SCAPER: variants seen among roughly 807,000 people sequenced by gnomAD.
SCAPER encodes S-phase cyclin A associated protein in the ER, also known as S phase cyclin A-associated protein in the endoplasmic reticulum.
Under a neutral mutation model 182.2 loss-of-function variants are expected in SCAPER, and 98 were observed. That is an observed-to-expected ratio of 0.54 (90% CI 0.46 to 0.64). The LOEUF (loss-of-function observed/expected upper bound fraction) is 0.64, where lower values mean the gene tolerates loss of function less well. Among genes scored for constraint, SCAPER ranks in the 30% least tolerant of loss-of-function variants. SCAPER has a pLI of 0.00. For synonymous variants in SCAPER, 605 were observed against 564.6 expected (o/e 1.07, Z -1.01); for missense variants, 1,432 against 1,690.0 (o/e 0.85, Z 2.68).
chr15:76,490,570 A>G (rs2052196519), intron 24 of SCAPER, among the ~76,000 whole-genome samples: 1 of 152,096 alleles, frequency 6.6e-6, no homozygotes. Flanking sequence ...ATGGTTTGCA[A>G]ATATTTTCCC....
intron 23 of SCAPER, among the ~76,000 whole-genome samples, chr15:76,529,384 A>C (rs536175562): frequency 6.6e-6 from 1 of 152,338 alleles, no homozygotes; most frequent in East Asian, 1.9e-4. Flanking sequence ...GATTGATTCA[A>C]CAAATGTTTA....
Position 76,841,852 on chromosome 15 carries a change from T to C in SCAPER, c.275A>G (p.His92Arg). The change falls in exon 5 of 32, where the codon CAC (histidine) becomes CGC (arginine). Residue 92 changes from histidine to arginine, a missense_variant. By Grantham distance (29) the His-to-Arg change is conservative. Transcript: ENST00000563290. The stretch of plus-strand genomic sequence containing the variant: ...AGCTCTTAGATCAATTTTCCGAGGG[T>C]GCCTTGTTTTAGTGGGACTTTTATC... ...HFDKSPTKTR[H>R]PRKIDLRARY... 6.2e-7 allele frequency: 1 copy of C among 1,613,972 alleles called. No homozygotes were observed. The highest frequency in any genetic ancestry group is 8.5e-7 in the Non-Finnish European group (1 of 1,179,868).
intron 21 of SCAPER, among the ~76,000 whole-genome samples, chr15:76,652,373 T>C (rs865958743): frequency 3.5e-3 from 96 of 27,272 alleles, no homozygotes; most frequent in Middle Eastern, 0.024. Context: ...CACACACACA[T>C]ATATATATAT....
chr15:76,388,699 G>A (rs1421284431), intron 27 of SCAPER, among the ~76,000 whole-genome samples: 1 of 152,088 alleles, frequency 6.6e-6, no homozygotes, highest in African/African-American at 2.4e-5. Flanking sequence ...GGTGGCTCAC[G>A]TCTGTAATCC....
chr15:76,489,088 T>A (rs370234706), intron 24 of SCAPER, among the ~76,000 whole-genome samples: 2 of 150,280 alleles, frequency 1.3e-5, no homozygotes, highest in Non-Finnish European at 3.0e-5. Context: ...TATATTCTTT[T>A]TGAGAGTATT....
chr15:76,698,765 T>A (rs775899660), intron 20 of SCAPER, among the ~76,000 whole-genome samples: 6 of 152,242 alleles, frequency 3.9e-5, no homozygotes, highest in African/African-American at 7.2e-5. Flanking sequence ...TGGTTCCATA[T>A]GAATTTTAGA....
At chr15:76,819,095 G>A (rs1012224975) in intron 5 of SCAPER, among the ~76,000 whole-genome samples, 1 of 152,218 alleles carries the variant, frequency 6.6e-6, no homozygotes, top group Non-Finnish European at 1.5e-5. Context: ...CAGGAAGCTC[G>A]AACTGGGTGG....
At chr15:76,607,957 T>C (rs1446528430) in intron 22 of SCAPER, among the ~76,000 whole-genome samples, 1 of 152,186 alleles carries the variant, frequency 6.6e-6, no homozygotes, top group Non-Finnish European at 1.5e-5. Flanking sequence ...TTGCCATTGG[T>C]TCGAATTTCC....
intron 23 of SCAPER, among the ~76,000 whole-genome samples, chr15:76,530,670 TGA>T (rs1227659531): frequency 2.0e-5 from 3 of 152,256 alleles, no homozygotes; most frequent in African/African-American, 7.2e-5. Flanking sequence ...ACCAGGGAAA[TGA>T]GAGAACATCT....
intron 26 of SCAPER, among the ~76,000 whole-genome samples, chr15:76,406,615 T>TACACACAC (rs36219509): frequency 2.0e-5 from 3 of 149,594 alleles, no homozygotes; most frequent in African/African-American, 7.4e-5. Flanking sequence ...AGACCCTGTC[T>TACACACAC]ACACACACAC....
rs1480157042 is a variant in SCAPER at position 76,705,959 on chromosome 15, G to A, written c.2191C>T (p.Leu731Phe). 5.8e-6 allele frequency: 9 copies of A among 1,562,608 alleles called. No homozygotes were observed. The highest frequency in any genetic ancestry group is 7.8e-6 in the Non-Finnish European group (9 of 1,155,366). ...ARDREERLAALTAAQQEAMEE... is the reference protein window; with the variant it reads ...ARDREERLAAFTAAQQEAMEE... Reference sequence around the variant, plus strand: ...ATAGCTTCTTGTTGAGCAGCTGTGAGTGCTGCCAATCGTTCTTCCCTGTCT... The same window carrying A: ...ATAGCTTCTTGTTGAGCAGCTGTGAATGCTGCCAATCGTTCTTCCCTGTCT... Residue 731 changes from leucine (L) to phenylalanine (F), a missense_variant, in exon 18 of 32, where the codon CTC becomes TTC. Leu to Phe is a conservative substitution (Grantham distance 22). Transcript: ENST00000563290.
intron 2 of SCAPER, among the ~76,000 whole-genome samples, chr15:76,863,878 G>C (rs1274659885): frequency 6.6e-6 from 1 of 152,098 alleles, no homozygotes; most frequent in Non-Finnish European, 1.5e-5. Flanking sequence ...AAATCCAGCT[G>C]TCATGCCATG....
intron 11 of SCAPER, among the ~76,000 whole-genome samples, chr15:76,766,011 T>G (rs1257520445): frequency 6.6e-6 from 1 of 152,212 alleles, no homozygotes; most frequent in African/African-American, 2.4e-5. Context: ...ATTTTATTCT[T>G]TAACAAATTC....
At chr15:76,800,423 T>A in intron 6 of SCAPER, 59 bp from the exon 7 acceptor site, 3 of 1,107,192 alleles carry the variant, frequency 2.7e-6, no homozygotes, top group Non-Finnish European at 4.0e-6. Flanking sequence ...AAACAAATAA[T>A]CTTTTCTCTT....
At chr15:76,511,275 T>G (rs1037422916) in intron 23 of SCAPER, among the ~76,000 whole-genome samples, 1 of 151,986 alleles carries the variant, frequency 6.6e-6, no homozygotes, top group African/African-American at 2.4e-5. Context: ...ATAAAAGAAA[T>G]AAATAAAATA....
intron 23 of SCAPER, among the ~76,000 whole-genome samples, chr15:76,541,353 G>A (rs556256453): frequency 8.5e-5 from 13 of 152,202 alleles, no homozygotes; most frequent in Admixed American, 2.0e-4. Flanking sequence ...TCTATCCTAG[G>A]CCATTAGCTG....
chr15:76,582,930 C>T (rs1237480450), intron 22 of SCAPER, among the ~76,000 whole-genome samples: 1 of 152,136 alleles, frequency 6.6e-6, no homozygotes, highest in African/African-American at 2.4e-5. Flanking sequence ...GAAACTGGTT[C>T]CCTATCTCTT....
At chr15:76,450,210 A>C (rs1486265614) in intron 25 of SCAPER, among the ~76,000 whole-genome samples, 2 of 152,232 alleles carry the variant, frequency 1.3e-5, no homozygotes, top group Non-Finnish European at 2.9e-5. Context: ...TGAAAAGGGC[A>C]CTCAAAAGTG....
chr15:76,424,703 T>C (rs1209160624), intron 26 of SCAPER, among the ~76,000 whole-genome samples: 3 of 152,260 alleles, frequency 2.0e-5, no homozygotes, highest in African/African-American at 7.2e-5. Flanking sequence ...ATGTAGTTTC[T>C]TCCTAGCATC....
Sources: allele counts gnomAD v4.1 joint callset (sites outside exome capture counted in the v4.1 genomes callset), GRCh38; gene constraint gnomAD v4.1.1; transcripts MANE v1.5; gene names NCBI Gene and HGNC (gene_info 2026-07-23, HGNC 2026-07-21).